The following CDK12 variants were observed in gnomAD, a reference collection of about 807,000 sequenced individuals.
The protein encoded by CDK12 is cyclin-dependent kinase 12.
A neutral mutation model predicts 133.8 loss-of-function variants in CDK12; 17 were observed. That is an observed-to-expected ratio of 0.13 (90% CI 0.09 to 0.19). CDK12 has a LOEUF of 0.19. Among genes scored for constraint, CDK12 ranks in the 10% least tolerant of loss-of-function variants. CDK12 has a pLI of 1.00. For missense variants in CDK12, 1,508 were observed against 1,818.7 expected, an observed-to-expected ratio of 0.83 and a Z score of 3.11; for synonymous variants, 694 against 683.6, an observed-to-expected ratio of 1.02 and a Z score of -0.24.
At position 39,489,664 on chromosome 17, in the gene CDK12, T is replaced by C. The variant is rs2051419911; in HGVS notation, c.1932-893T>C. ...GCTGCTACCATGCCCGGCTAATTTT[T>C]TGTAGTTTTAGTAGAGATGGGGTTT... On this transcript the variant is annotated intron_variant, in intron 2 of 13. Coordinates refer to ENST00000447079, the MANE Select transcript of CDK12 (RefSeq NM_016507.4). 2.0e-5 allele frequency among the ~76,000 whole-genome samples: 3 copies of C among 151,096 alleles called. No homozygotes were observed. The Admixed American group carries it at 2.0e-4, about 10-fold the overall frequency.
At chr17:39,470,214 A>T (rs2049690301) in intron 1 of CDK12, among the ~76,000 whole-genome samples, 1 of 149,134 alleles carries the variant, frequency 6.7e-6, no homozygotes, top group Non-Finnish European at 1.5e-5. Flanking sequence ...TCCACCTCCC[A>T]GGTTCATGCC....
chr17:39,505,988 T>C (rs964712148), intron 6 of CDK12, among the ~76,000 whole-genome samples: 1 of 152,162 alleles, frequency 6.6e-6, no homozygotes, highest in Non-Finnish European at 1.5e-5. Context: ...TCTCACCTAA[T>C]GACTTTAATT....
At position 39,541,524 on chromosome 17, in the gene CDK12, C is replaced by T. The variant is rs572313302; in HGVS notation, c.451-2725C>T. On this transcript the variant is annotated intron_variant and NMD_transcript_variant, in intron 1 of 4. Coordinates refer to the CDK12 transcript ENST00000559663. ...GGACTACAGGCACCCGCCACCATGC[C>T]TGGCTAATTTTTTTGTATTTTTAGT... 2.8e-4 allele frequency among the ~76,000 whole-genome samples: 42 copies of T among 152,192 alleles called. No individual in the cohort carries two copies. The East Asian group carries it at 7.3e-3, about 27-fold the overall frequency.
intron 11 of CDK12, among the ~76,000 whole-genome samples, chr17:39,522,061 A>T (rs919395429): frequency 6.6e-6 from 1 of 151,988 alleles, no homozygotes; most frequent in Non-Finnish European, 1.5e-5. Flanking sequence ...TCTGGTGACC[A>T]TGTATATCTC....
rs2054911198 is a variant in CDK12, at chr17:39,532,273, T to TA, written c.*958dup. 2 of 233,392 alleles carry TA rather than the reference T, an allele frequency of 8.6e-6. No homozygotes were observed. Among genetic ancestry groups the TA allele is most frequent in the East Asian group, 1.2e-4 (2 of 16,710 alleles). The allele number at this position is 233,392 out of a possible 1,614,324, so 14.5% of individuals were successfully genotyped here. A position where few individuals can be genotyped will look rare whatever the true frequency, so the allele number is the denominator to read the frequency against. On this transcript the variant is annotated 3_prime_UTR_variant, in exon 14 of 14. Transcript: ENST00000447079. ...ATAAAGGAAAGGAAATTCAGACTCT[T>TA]ACATTGTTCTCTGTAACTCTTCAAT...
chr17:39,519,976 A>C lies in CDK12; in HGVS notation c.2984A>C (p.Asp995Ala), dbSNP rs2054066379. The C allele has an allele frequency of 1.2e-6, 2 of 1,613,934 alleles. No individual in the cohort carries two copies. The highest frequency in any genetic ancestry group is 2.2e-5 in the South Asian group (2 of 91,076). Residue 995 changes from aspartate (D) to alanine (A), a missense_variant, in exon 11 of 14, where the codon GAT (aspartate) becomes GCT (alanine). Coordinates refer to ENST00000447079, the MANE Select transcript of CDK12 (RefSeq NM_016507.4). ...EFSFIPSAAL[D>A]LLDHMLTLDP... ...CATAGCATTCCTTCTGCAGCACTTG[A>C]TTTATTGGACCACATGCTGACACTA...
chr17:39,504,831 A>G (rs1425956168), intron 6 of CDK12, among the ~76,000 whole-genome samples: 1 of 127,398 alleles, frequency 7.8e-6, no homozygotes, highest in Non-Finnish European at 1.6e-5. Context: ...GTGAGCAGAG[A>G]TTGCCACCAC....
chr17:39,467,900 G>GTT (rs551095676), intron 1 of CDK12, among the ~76,000 whole-genome samples: 1 of 144,120 alleles, frequency 6.9e-6, no homozygotes, highest in Non-Finnish European at 1.5e-5. Flanking sequence ...TTTTAGTTTT[G>GTT]TTTTTTTTTT....
Position 39,490,538 on chromosome 17 carries a change from C to T in CDK12, c.1932-19C>T. On this transcript the variant is annotated intron_variant, in intron 2 of 13. Transcript: ENST00000447079. ...ATCTTTAATTGTAATTTTGTCATCT[C>T]TTCTCATTTATTGTTTAGTCCAAAA... 6.4e-7 allele frequency: 1 copy of T among 1,559,610 alleles called. No individual in the cohort carries two copies. The highest frequency in any genetic ancestry group is 8.7e-7 in the Non-Finnish European group (1 of 1,147,958).
chr17:39,561,385 A>G (rs553887547), intron 3 of CDK12, among the ~76,000 whole-genome samples: 77 of 152,330 alleles, frequency 5.1e-4, no homozygotes, highest in Non-Finnish European at 7.6e-4. Flanking sequence ...GGGCAGGCTC[A>G]GTGTCTAGGA....
At chr17:39,562,563 C>T (rs1490683929) in intron 3 of CDK12, among the ~76,000 whole-genome samples, 1 of 151,986 alleles carries the variant, frequency 6.6e-6, no homozygotes, top group African/African-American at 2.4e-5. Context: ...TTCTGTTTTC[C>T]TCTCTCTCTC....
rs1186132506 is a variant in CDK12 at position 39,530,999 on chromosome 17, T to G, written c.4156T>G (p.Ser1386Ala). 5 of 1,613,606 alleles carry G rather than the reference T, an allele frequency of 3.1e-6. No homozygotes were observed. Among genetic ancestry groups the G allele is most frequent in the Non-Finnish European group, 4.2e-6 (5 of 1,179,958 alleles). The change falls in exon 14 of 14, where the codon TCC (serine) becomes GCC (alanine). Residue 1386 changes from serine (S) to alanine (A), a missense_variant. Ser to Ala is a moderately conservative substitution (Grantham distance 99). Transcript: ENST00000447079. Reference protein sequence around the residue: ...FSGSLSHLGESSSYQGTGSVQ... With the variant: ...FSGSLSHLGEASSYQGTGSVQ... Reference sequence around the variant, plus strand: ...AGGCTCTCTGAGCCACCTTGGGGAGTCCAGCAGTTACCAGGGCACAGGGTC... The same window carrying G: ...AGGCTCTCTGAGCCACCTTGGGGAGGCCAGCAGTTACCAGGGCACAGGGTC...
At chr17:39,501,124 G>A in intron 5 of CDK12, 126 bp from the exon 6 acceptor site, 1 of 589,320 alleles carries the variant, frequency 1.7e-6, no homozygotes, top group Non-Finnish European at 2.9e-6. Context: ...TTCTTCATCT[G>A]TAAAATTCAA....
At position 39,501,255 on chromosome 17, in the gene CDK12, T is replaced by C; in HGVS notation, c.2425T>C (p.Phe809Leu). Residue 809 changes from phenylalanine (F) to leucine (L), a missense_variant, in exon 6 of 14, where the codon TTT (phenylalanine) becomes CTT (leucine). Coordinates refer to ENST00000447079, the MANE Select transcript of CDK12 (RefSeq NM_016507.4). ...ALDFKKDKGA[F>L]YLVFEYMDHD... ...TTTTTTTCGTCTTTATGTAGGTGCC[T>C]TTTACCTTGTATTTGAGTATATGGA... is the stretch of plus-strand genomic sequence containing the variant. The C allele has an allele frequency of 6.4e-7, 1 of 1,551,506 alleles. No individual in the cohort carries two copies. Among genetic ancestry groups the C allele is most frequent in the South Asian group, 1.2e-5 (1 of 80,272 alleles).
chr17:39,555,276 T>A (rs1469051748), intron 2 of CDK12, among the ~76,000 whole-genome samples: 2 of 152,004 alleles, frequency 1.3e-5, no homozygotes, highest in African/African-American at 4.8e-5. Context: ...ATTAATTAAT[T>A]AAAAAATAAA....
rs192029549 is a variant in CDK12, at chr17:39,479,992, C to T, written c.1931+8229C>T. Among the ~76,000 whole-genome samples, 373 of 148,400 alleles carry T rather than the reference C, an allele frequency of 2.5e-3. 5 individuals are homozygous for T. In the South Asian group the frequency reaches 0.052, roughly 21 times the overall value. Reference sequence around the variant, plus strand: ...AGGCTGGAGTGCAATGGCGTGATCTCGGCTGACTGCAACCTCCACTTCCTG... The same window carrying T: ...AGGCTGGAGTGCAATGGCGTGATCTTGGCTGACTGCAACCTCCACTTCCTG... On this transcript the variant is annotated intron_variant, in intron 2 of 13. Coordinates refer to ENST00000447079, the MANE Select transcript of CDK12 (RefSeq NM_016507.4).
At chr17:39,472,663 CACTTT>C (rs1191441249) in intron 2 of CDK12, among the ~76,000 whole-genome samples, 1 of 152,062 alleles carries the variant, frequency 6.6e-6, no homozygotes, top group Admixed American at 6.6e-5. Flanking sequence ...GATATCATGA[CACTTT>C]ACTTCTAAAT....
In CDK12 at chr17:39,531,188, G is replaced by A; in HGVS notation, c.4345G>A (p.Gly1449Arg). 1 of 1,521,762 alleles carries A rather than the reference G, an allele frequency of 6.6e-7. No individual in the cohort carries two copies. The allele number at this position is 1,521,762 out of a possible 1,614,324, so 94.3% of individuals were successfully genotyped here. Reference protein sequence around the residue: ...NYGELGPGTTGASSSGAGLHW... With the variant: ...NYGELGPGTTRASSSGAGLHW... Reference sequence around the variant, plus strand: ...TGGGGAGCTGGGGCCAGGAACCACTGGGGCCAGCAGCTCAGGAGCAGGCCT... The same window carrying A: ...TGGGGAGCTGGGGCCAGGAACCACTAGGGCCAGCAGCTCAGGAGCAGGCCT... Residue 1449 changes from glycine (G) to arginine (R), a missense_variant, in exon 14 of 14, where the codon GGG becomes AGG. This residue lies in a region of CDK12 where 114 missense variants were observed against 101.2 expected (regional missense o/e 1.13). Coordinates refer to ENST00000447079, the MANE Select transcript of CDK12 (RefSeq NM_016507.4).
Position 39,557,274 on chromosome 17 carries a change from G to C in CDK12, n.484+861G>C, listed in dbSNP as rs1424709202. On this transcript the variant is annotated intron_variant and non_coding_transcript_variant, in intron 3 of 3. Coordinates refer to the CDK12 transcript ENST00000558240. ...TGCCCGCCTTAACATCACCCTGAGC[G>C]CAGCACTAAGATCCTGAGAGACCCC... 2.6e-5 allele frequency among the ~76,000 whole-genome samples: 4 copies of C among 152,286 alleles called. No homozygotes were observed. In the East Asian group the frequency reaches 5.8e-4, roughly 22 times the overall value.
Sources: allele counts gnomAD v4.1 joint callset (sites outside exome capture counted in the v4.1 genomes callset), GRCh38; gene constraint gnomAD v4.1.1; regional missense constraint gnomAD v4.1.1; transcripts MANE v1.5; gene names NCBI Gene and HGNC (gene_info 2026-07-23, HGNC 2026-07-21).